The following RSL1D1 variants were observed in gnomAD, a reference collection of about 807,000 sequenced individuals.
RSL1D1 encodes ribosomal L1 domain containing 1.
RSL1D1 carries 34 observed loss-of-function variants against 44.6 expected under a neutral mutation model. The observed-to-expected ratio is 0.76, with a 90% CI of 0.58 to 1.02. The LOEUF (loss-of-function observed/expected upper bound fraction) is 1.02. Among genes scored for constraint, RSL1D1 ranks in the 50% least tolerant of loss-of-function variants. The probability of loss-of-function intolerance (pLI) is 0.00; values close to 1 mark genes in which losing one functional copy is unlikely to be tolerated. For synonymous variants in RSL1D1, 271 were observed against 207.4 expected (o/e 1.31, Z -2.63); for missense variants, 767 against 568.1 (o/e 1.35, Z -3.56).
chr16:11,851,520 C>A lies in RSL1D1; in HGVS notation c.-8G>T. On this transcript the variant is annotated 5_prime_UTR_variant, in exon 1 of 9. Transcript: ENST00000571133. ...CGAGGCCGAATCCTCCATCTTGTTT[C>A]CACCTCGTGAAGAGGCGCGTGTGCA... The A allele has an allele frequency of 6.2e-7, 1 of 1,612,944 alleles. No individual in the cohort carries two copies. Among genetic ancestry groups the A allele is most frequent in the Non-Finnish European group, 8.5e-7 (1 of 1,179,756 alleles).
At chr16:11,851,323 A>C in intron 1 of RSL1D1, 85 bp downstream of exon 1, 1 of 1,280,864 alleles carries the variant, frequency 7.8e-7, no homozygotes, top group Non-Finnish European at 1.1e-6. Context: ...AAGTCCGCCG[A>C]GCACGCACTC....
At position 11,839,875 on chromosome 16, in the gene RSL1D1, T is replaced by C. The variant is rs1383490215; in HGVS notation, c.966A>G (p.Ala322=). 2 of 1,614,190 alleles carry C rather than the reference T, an allele frequency of 1.2e-6. No homozygotes were observed. Among genetic ancestry groups the C allele is most frequent in the East Asian group, 4.5e-5 (2 of 44,884 alleles). ...TASVLSKDDV[A]PESGDTTVKK... ...TCACTGTAGTATCACCACTTTCAGG[T>C]GCCACATCATCTTTACTAAGAACTG... Residue 322 remains alanine (A), a synonymous_variant, in exon 8 of 9, where the codon GCA becomes GCG. Coordinates refer to ENST00000571133, the MANE Select transcript of RSL1D1 (RefSeq NM_015659.3).
rs987413274 is a variant in RSL1D1 at position 11,837,668 on chromosome 16, A to G, written c.*119T>C. ...CCTGGACTACTTATGGAGGTTTTAA[A>G]AAATCTTTTAAGTCCAGGCCTGACG... On this transcript the variant is annotated 3_prime_UTR_variant, in exon 9 of 9. Coordinates refer to ENST00000571133, the MANE Select transcript of RSL1D1 (RefSeq NM_015659.3). 3.2e-5 allele frequency: 32 copies of G among 1,003,912 alleles called. No homozygotes were observed. In the Admixed American group the frequency reaches 7.3e-4, roughly 23 times the overall value. The allele number at this position is 1,003,912 out of a possible 1,614,324, so 62.2% of individuals were successfully genotyped here.
chr16:11,844,263 G>A (rs2053783608), intron 5 of RSL1D1, among the ~76,000 whole-genome samples: 1 of 152,208 alleles, frequency 6.6e-6, no homozygotes, highest in African/African-American at 2.4e-5. Flanking sequence ...AAAGGTAAGA[G>A]AGGAAATAAA....
chr16:11,839,024 A>G (rs533728950), intron 8 of RSL1D1, among the ~76,000 whole-genome samples: 42 of 152,174 alleles, frequency 2.8e-4, no homozygotes, highest in Non-Finnish European at 5.0e-4. Context: ...GTAGCTGCAC[A>G]TCCCTGGCAC....
In RSL1D1 at chr16:11,836,101, T is replaced by A. The variant is rs974922776; in HGVS notation, c.*1686A>T. The A allele has an allele frequency of 6.6e-6, 1 of 152,158 alleles. No individual in the cohort carries two copies. Among genetic ancestry groups the A allele is most frequent in the African/African-American group, 2.4e-5 (1 of 41,432 alleles). The allele number at this position is 152,158 out of a possible 1,614,324, so 9.4% of individuals were successfully genotyped here. ...AATGCTAAACCATCACAGCTGTAAA[T>A]CATGTGCTTAATGCAAGGTGCCCTT... On this transcript the variant is annotated 3_prime_UTR_variant, in exon 9 of 9. Coordinates refer to ENST00000571133, the MANE Select transcript of RSL1D1 (RefSeq NM_015659.3).
At chr16:11,847,642 T>C (rs775238967) in intron 3 of RSL1D1, 26 bp downstream of exon 3, 12 of 1,581,018 alleles carry the variant, frequency 7.6e-6, no homozygotes, top group Non-Finnish European at 1.0e-5. Context: ...TCTAAATAAC[T>C]TGAAAATATT....
At chr16:11,848,467 C>T (rs2053814246) in intron 2 of RSL1D1, among the ~76,000 whole-genome samples, 1 of 152,178 alleles carries the variant, frequency 6.6e-6, no homozygotes, top group Non-Finnish European at 1.5e-5. Flanking sequence ...TCAGGACAAG[C>T]CTGGTTCAGA....
rs758343904 is a variant in RSL1D1, at chr16:11,846,699, T to C, written c.529A>G (p.Lys177Glu). ...AGTCATTACTAAGAAACTTACTTCTTTCTTTGATAGAAATGTCTCCCAATG... is the reference window on the plus strand; with the variant it reads ...AGTCATTACTAAGAAACTTACTTCTCTCTTTGATAGAAATGTCTCCCAATG... Reference protein sequence around the residue: ...SLIGRHFYQRKKVPVSVNLLS... With the variant: ...SLIGRHFYQREKVPVSVNLLS... Residue 177 changes from lysine (K) to glutamate (E), a missense_variant, in exon 4 of 9, where the codon AAG (lysine) becomes GAG (glutamate). Physicochemically the swap from Lys to Glu is moderately conservative, Grantham distance 56. Transcript: ENST00000571133. 6.2e-7 allele frequency: 1 copy of C among 1,613,870 alleles called. No individual in the cohort carries two copies. The highest frequency in any genetic ancestry group is 8.5e-7 in the Non-Finnish European group (1 of 1,179,944).
chr16:11,843,373 G>C (rs2053776342), intron 5 of RSL1D1, among the ~76,000 whole-genome samples: 2 of 151,732 alleles, frequency 1.3e-5, no homozygotes, highest in Non-Finnish European at 2.9e-5. Context: ...GCCCAGCCGA[G>C]GCAGTGATTA....
At chr16:11,848,542 T>A (rs1286802684) in intron 2 of RSL1D1, among the ~76,000 whole-genome samples, 1 of 152,210 alleles carries the variant, frequency 6.6e-6, no homozygotes, top group Non-Finnish European at 1.5e-5. Flanking sequence ...TTCCTTTTTT[T>A]GAGACAGGGT....
chr16:11,836,199 G>A lies in RSL1D1; in HGVS notation c.*1588C>T, dbSNP rs1003001128. 4 of 152,142 alleles carry A rather than the reference G, an allele frequency of 2.6e-5. No individual in the cohort carries two copies. The highest frequency in any genetic ancestry group is 4.4e-5 in the Non-Finnish European group (3 of 68,054). The allele number at this position is 152,142 out of a possible 1,614,324, so 9.4% of individuals were successfully genotyped here. On this transcript the variant is annotated 3_prime_UTR_variant, in exon 9 of 9. Transcript: ENST00000571133. ...AATAGTGTGGGCTCCCAGAGCTCACGGCCTTCACAGCCTCCACCATCCCGA... is the reference window on the plus strand; with the variant it reads ...AATAGTGTGGGCTCCCAGAGCTCACAGCCTTCACAGCCTCCACCATCCCGA...
chr16:11,843,500 AG>A, intron 5 of RSL1D1, among the ~76,000 whole-genome samples: 1 of 152,134 alleles, frequency 6.6e-6, no homozygotes, highest in South Asian at 2.1e-4. Context: ...GCTGTTCTAA[AG>A]GGACCTACCT....
rs2053808491 is a variant in RSL1D1, at chr16:11,847,653, A to G, written c.384+15T>C. 2 of 1,594,568 alleles carry G rather than the reference A, an allele frequency of 1.3e-6. No homozygotes were observed. Among genetic ancestry groups the G allele is most frequent in the Non-Finnish European group, 1.7e-6 (2 of 1,170,830 alleles). Reference sequence around the variant, plus strand: ...ATCCTCTAAATAACTTGAAAATATTAACCAGGCTTCCTACCTGAGAAACGG... The same window carrying G: ...ATCCTCTAAATAACTTGAAAATATTGACCAGGCTTCCTACCTGAGAAACGG... On this transcript the variant is annotated intron_variant, in intron 3 of 8. Coordinates refer to ENST00000571133, the MANE Select transcript of RSL1D1 (RefSeq NM_015659.3).
chr16:11,850,809 C>T lies in RSL1D1; in HGVS notation c.106-391G>A, dbSNP rs151265855. On this transcript the variant is annotated intron_variant, in intron 1 of 8. Coordinates refer to ENST00000571133, the MANE Select transcript of RSL1D1 (RefSeq NM_015659.3). ...ACTCCTGGCAATTCTCCTGCCTCAG[C>T]TTCCCGAGTAGCTGAGATTACAGGC... is the stretch of plus-strand genomic sequence containing the variant. Among the ~76,000 whole-genome samples, 1,098 of 152,336 alleles carry T rather than the reference C, an allele frequency of 7.2e-3. 8 individuals are homozygous for T. Among genetic ancestry groups the T allele is most frequent in the Non-Finnish European group, 0.011 (739 of 68,032 alleles).
At chr16:11,845,633 T>C (rs996064235) in intron 5 of RSL1D1, among the ~76,000 whole-genome samples, 3 of 152,092 alleles carry the variant, frequency 2.0e-5, no homozygotes, top group African/African-American at 7.2e-5. Context: ...TACATACAAA[T>C]AGTGCCTACT....
intron 3 of RSL1D1, among the ~76,000 whole-genome samples, chr16:11,847,212 T>C (rs1282894651): frequency 6.6e-6 from 1 of 151,850 alleles, no homozygotes; most frequent in Non-Finnish European, 1.5e-5. Flanking sequence ...CTCGTCTCTA[T>C]AAAAATATAA....
In RSL1D1 at chr16:11,837,693, G is replaced by C. The variant is rs746135574; in HGVS notation, c.*94C>G. ...AAAATCTTTTAAGTCCAGGCCTGAC[G>C]TTTAGAGAAGGTTACAAAGGCGGCC... On this transcript the variant is annotated 3_prime_UTR_variant, in exon 9 of 9. Coordinates refer to ENST00000571133, the MANE Select transcript of RSL1D1 (RefSeq NM_015659.3). The C allele has an allele frequency of 1.8e-5, 21 of 1,167,126 alleles. No homozygotes were observed. The highest frequency in any genetic ancestry group is 4.5e-5 in the South Asian group (3 of 67,092). The allele number at this position is 1,167,126 out of a possible 1,614,324, so 72.3% of individuals were successfully genotyped here.
Position 11,836,471 on chromosome 16 carries a change from G to C in RSL1D1, c.*1316C>G, listed in dbSNP as rs999314960. ...GGATGCATACCAATTCACAACCAGT[G>C]AAAGGCCACGTACCTAAAAAGGTGT... On this transcript the variant is annotated 3_prime_UTR_variant, in exon 9 of 9. Transcript: ENST00000571133. The C allele has an allele frequency of 6.6e-6, 1 of 152,194 alleles. No individual in the cohort carries two copies. The highest frequency in any genetic ancestry group is 2.4e-5 in the African/African-American group (1 of 41,450). 9.4% of individuals were successfully genotyped at this position (152,194 alleles called of 1,614,324 possible). A position where few individuals can be genotyped will look rare whatever the true frequency, so the allele number is the denominator to read the frequency against.
Sources: allele counts gnomAD v4.1 joint callset (sites outside exome capture counted in the v4.1 genomes callset), GRCh38; gene constraint gnomAD v4.1.1; transcripts MANE v1.5; gene names NCBI Gene and HGNC (gene_info 2026-07-23, HGNC 2026-07-21).